Variants in OSBPL8 observed in about 807,000 individuals in gnomAD.
The protein encoded by OSBPL8 is oxysterol-binding protein-related protein 8.
OSBPL8 carries 59 observed loss-of-function variants against 125.5 expected under a neutral mutation model. That is an observed-to-expected ratio of 0.47 (90% CI 0.38 to 0.58). The LOEUF is 0.58. OSBPL8 is among the 20% of genes least tolerant of loss of function. The pLI, the probability that OSBPL8 is intolerant of heterozygous loss-of-function variation, is 0.00. For missense variants in OSBPL8, 758 were observed against 1,047.8 expected, an observed-to-expected ratio of 0.72 and a Z score of 3.82; for synonymous variants, 330 against 338.9, an observed-to-expected ratio of 0.97 and a Z score of 0.29.
At chr12:76,425,111 A>G (rs1869995032) in intron 4 of OSBPL8, among the ~76,000 whole-genome samples, 1 of 152,222 alleles carries the variant, frequency 6.6e-6, no homozygotes, top group Non-Finnish European at 1.5e-5. Flanking sequence ...AAGCAGGCCA[A>G]AAAATAACCA....
chr12:76,398,114 C>T (rs181099981), intron 7 of OSBPL8, among the ~76,000 whole-genome samples: 4 of 152,204 alleles, frequency 2.6e-5, no homozygotes, highest in African/African-American at 9.6e-5. Context: ...GACAGGCCAA[C>T]AGTTTCAAAG....
At chr12:76,428,599 A>C (rs2136552526) in intron 4 of OSBPL8, among the ~76,000 whole-genome samples, 1 of 152,212 alleles carries the variant, frequency 6.6e-6, no homozygotes, top group African/African-American at 2.4e-5. Context: ...AGAGATTTTA[A>C]AATCCTTAAA....
intron 1 of OSBPL8, among the ~76,000 whole-genome samples, chr12:76,507,409 G>C (rs997930691): frequency 5.3e-5 from 8 of 151,586 alleles, no homozygotes; most frequent in African/African-American, 2.0e-4. Flanking sequence ...AATGAATAGT[G>C]GCTTTCTCTT....
At chr12:76,383,234 A>C (rs986330767) in intron 15 of OSBPL8, among the ~76,000 whole-genome samples, 45 of 152,140 alleles carry the variant, frequency 3.0e-4, no homozygotes, top group African/African-American at 8.7e-4. Context: ...AATTTCTATA[A>C]GGGTAGAACA....
chr12:76,538,667 A>T (rs1241114741), intron 1 of OSBPL8, among the ~76,000 whole-genome samples: 1 of 152,022 alleles, frequency 6.6e-6, no homozygotes, highest in Non-Finnish European at 1.5e-5. Context: ...GAACTTTGAG[A>T]CCCAGTGCAG....
At chr12:76,475,093 T>C (rs1876642290) in intron 2 of OSBPL8, among the ~76,000 whole-genome samples, 1 of 152,194 alleles carries the variant, frequency 6.6e-6, no homozygotes, top group Non-Finnish European at 1.5e-5. Flanking sequence ...ATCCTTCACA[T>C]TTCTTTCTGA....
chr12:76,422,382 A>C, intron 4 of OSBPL8: 5 of 357,536 alleles, frequency 1.4e-5, no homozygotes, highest in South Asian at 1.1e-4. Flanking sequence ...AGCAGCAGTT[A>C]CTGAAACCTA....
At chr12:76,431,130 G>A (rs1870766141) in intron 4 of OSBPL8, among the ~76,000 whole-genome samples, 1 of 151,894 alleles carries the variant, frequency 6.6e-6, no homozygotes, top group African/African-American at 2.4e-5. Flanking sequence ...GGTGGGGGGA[G>A]GTAAAATGTG....
intron 1 of OSBPL8, among the ~76,000 whole-genome samples, chr12:76,551,495 T>C (rs1351787187): frequency 1.3e-5 from 2 of 152,178 alleles, no homozygotes; most frequent in African/African-American, 4.8e-5. Flanking sequence ...AGAGTCAAGT[T>C]AAGAAACCCT....
chr12:76,386,192 G>A lies in OSBPL8; in HGVS notation c.1509C>T (p.Ser503=), dbSNP rs748607651. Residue 503 remains serine, a synonymous_variant, in exon 14 of 24, where the codon AGC becomes AGT. Transcript: ENST00000261183. ...RCLWIHPRTN[S]KTFYIAEQVS... is the part of the protein sequence containing the mutation. ...CCTGTTCAGCAATATAAAAAGTTTT[G>A]CTGTTTGTTCTGGGATGAATCCATA... 6.2e-7 allele frequency: 1 copy of A among 1,610,434 alleles called. No homozygotes were observed. Among genetic ancestry groups the A allele is most frequent in the South Asian group, 1.1e-5 (1 of 90,732 alleles).
chr12:76,552,645 C>T (rs1216707173), intron 1 of OSBPL8, among the ~76,000 whole-genome samples: 2 of 151,960 alleles, frequency 1.3e-5, no homozygotes, highest in Middle Eastern at 3.2e-3. Context: ...TCTTTCAGAC[C>T]ATGTAAGAAC....
At chr12:76,368,796 A>G (rs1432212002) in intron 21 of OSBPL8, among the ~76,000 whole-genome samples, 5 of 152,122 alleles carry the variant, frequency 3.3e-5, no homozygotes, top group African/African-American at 1.2e-4. Flanking sequence ...TAAGTCCTTC[A>G]GGTAGTATTC....
intron 1 of OSBPL8, among the ~76,000 whole-genome samples, chr12:76,489,072 C>T (rs188326306): frequency 1.4e-3 from 216 of 152,232 alleles, no homozygotes; most frequent in African/African-American, 4.9e-3. Context: ...ATTATATAGG[C>T]AAGGCCCTAA....
rs535407329 is a variant in OSBPL8, at chr12:76,530,803, T to C, written c.-68+28594A>G. Among the ~76,000 whole-genome samples the C allele has an allele frequency of 1.6e-4, 24 of 152,228 alleles. No individual in the cohort carries two copies. The South Asian group carries it at 2.1e-3, about 13-fold the overall frequency. On this transcript the variant is annotated intron_variant, in intron 1 of 23. Coordinates refer to ENST00000261183, the MANE Select transcript of OSBPL8 (RefSeq NM_020841.5). ...CATCAAGCAAACAGACTCTTTATAGTATAATAAAGCAATAAAGGCATGAAG... is the reference window on the plus strand; with the variant it reads ...CATCAAGCAAACAGACTCTTTATAGCATAATAAAGCAATAAAGGCATGAAG...
intron 4 of OSBPL8, among the ~76,000 whole-genome samples, chr12:76,448,753 G>A (rs1346195425): frequency 6.6e-6 from 1 of 152,116 alleles, no homozygotes; most frequent in Non-Finnish European, 1.5e-5. Context: ...GGTGGCTCAC[G>A]CCTGTAATCC....
chr12:76,543,803 G>C (rs1950709233), intron 1 of OSBPL8, among the ~76,000 whole-genome samples: 1 of 152,094 alleles, frequency 6.6e-6, no homozygotes, highest in South Asian at 2.1e-4. Context: ...TTACATGTAA[G>C]TCTGCATCAA....
At chr12:76,537,886 G>T (rs1209918044) in intron 1 of OSBPL8, 2 of 152,210 alleles carry the variant, frequency 1.3e-5, no homozygotes, top group African/African-American at 4.8e-5. Context: ...TCCAGCCTGG[G>T]CAACAGAGCA....
chr12:76,514,187 C>T (rs939457295), intron 1 of OSBPL8, among the ~76,000 whole-genome samples: 4 of 152,120 alleles, frequency 2.6e-5, no homozygotes, highest in African/African-American at 9.7e-5. Flanking sequence ...CTGTTTCACC[C>T]AGGCCGGGCT....
chr12:76,398,472 G>A (rs559248444), intron 7 of OSBPL8, among the ~76,000 whole-genome samples: 3 of 152,056 alleles, frequency 2.0e-5, no homozygotes, highest in Non-Finnish European at 4.4e-5. Context: ...TTAAAATCAA[G>A]TTACATGAAT....
Sources: gnomAD v4.1 joint callset for allele counts (sites outside exome capture counted in the v4.1 genomes callset) on GRCh38, gnomAD v4.1.1 for gene constraint, MANE v1.5 for transcripts, NCBI Gene and HGNC (gene_info 2026-07-23, HGNC 2026-07-21) for gene names.